Variants in ELAPOR2 observed in about 807,000 individuals in gnomAD.
The protein encoded by ELAPOR2 is endosome/lysosome-associated apoptosis and autophagy regulator family member 2.
ELAPOR2 carries 89 observed loss-of-function variants against 120.7 expected under a neutral mutation model. The ratio of observed to expected loss-of-function variants is 0.74; its 90% CI spans 0.62 to 0.88. ELAPOR2 has a LOEUF of 0.88. Among genes scored for constraint, ELAPOR2 ranks in the 40% least tolerant of loss-of-function variants. ELAPOR2 has a pLI of 0.00. For missense variants in ELAPOR2, 1,134 were observed against 1,251.6 expected (o/e 0.91, Z 1.42); for synonymous variants, 444 against 444.9 (o/e 1.00, Z 0.03).
At chr7:86,905,300 A>G (rs1370950789) in intron 18 of ELAPOR2, among the ~76,000 whole-genome samples, 3 of 150,956 alleles carry the variant, frequency 2.0e-5, no homozygotes, top group African/African-American at 7.3e-5. Flanking sequence ...TCAGTAGGAA[A>G]TATTTATTCA....
chr7:86,903,868 C>G (rs527648074), intron 18 of ELAPOR2, among the ~76,000 whole-genome samples: 35 of 152,120 alleles, frequency 2.3e-4, no homozygotes, highest in Non-Finnish European at 3.5e-4. Flanking sequence ...CAATAAAGAC[C>G]CTGTTTGAGG....
chr7:86,980,176 G>T (rs114939556), intron 1 of ELAPOR2, among the ~76,000 whole-genome samples: 263 of 152,242 alleles, frequency 1.7e-3, no homozygotes, highest in African/African-American at 5.9e-3. Context: ...TACCAAAAAA[G>T]GTAATAAAAC....
At chr7:86,932,397 C>T (rs897659786) in intron 8 of ELAPOR2, among the ~76,000 whole-genome samples, 3 of 151,808 alleles carry the variant, frequency 2.0e-5, no homozygotes, top group African/African-American at 7.3e-5. Context: ...ATTTCTGAAA[C>T]ATATTTTTAA....
chr7:86,985,372 T>G (rs1792686792), intron 1 of ELAPOR2, among the ~76,000 whole-genome samples: 1 of 152,214 alleles, frequency 6.6e-6, no homozygotes, highest in South Asian at 2.1e-4. Context: ...TACCAAAGCC[T>G]GGCAGAGACA....
intron 1 of ELAPOR2, among the ~76,000 whole-genome samples, chr7:87,006,528 AAAAG>A (rs771741293): frequency 9.2e-5 from 14 of 152,252 alleles, no homozygotes; most frequent in Non-Finnish European, 1.6e-4. Flanking sequence ...TATAATTTAA[AAAAG>A]AAAGAAAGAA....
At position 86,879,880 on chromosome 7, in the gene ELAPOR2, A is replaced by G. The variant is rs1052202090; in HGVS notation, c.*591T>C. 2.0e-5 allele frequency: 3 copies of G among 152,248 alleles called. No individual in the cohort carries two copies. The highest frequency in any genetic ancestry group is 7.2e-5 in the African/African-American group (3 of 41,452). The allele number at this position is 152,248 out of a possible 1,614,324, so 9.4% of individuals were successfully genotyped here. On this transcript the variant is annotated 3_prime_UTR_variant, in exon 22 of 22. Coordinates refer to ENST00000450689, the MANE Select transcript of ELAPOR2 (RefSeq NM_001142749.3). ...TTATAAATCTAGATAACCCAAGCAC[A>G]TGCTAACTCTTCCTGAAATTTAAAT...
At chr7:86,953,097 A>G (rs1012241462) in intron 2 of ELAPOR2, among the ~76,000 whole-genome samples, 2 of 151,482 alleles carry the variant, frequency 1.3e-5, no homozygotes, top group African/African-American at 4.8e-5. Context: ...CTCTGTCAAA[A>G]AAAAAAAAAA....
chr7:86,994,356 A>G (rs1446957544), intron 1 of ELAPOR2, among the ~76,000 whole-genome samples: 4 of 152,240 alleles, frequency 2.6e-5, no homozygotes, highest in Admixed American at 6.5e-5. Context: ...AAAGTCATTT[A>G]TCAAGTGCTT....
intron 12 of ELAPOR2, among the ~76,000 whole-genome samples, chr7:86,915,375 C>A (rs533534608): frequency 2.6e-5 from 4 of 151,872 alleles, no homozygotes; most frequent in Non-Finnish European, 4.4e-5. Flanking sequence ...GCATGTTAAG[C>A]AGAATGTTAT....
chr7:86,967,632 A>C (rs1486732633), intron 1 of ELAPOR2, among the ~76,000 whole-genome samples: 2 of 152,154 alleles, frequency 1.3e-5, no homozygotes, highest in Non-Finnish European at 2.9e-5. Flanking sequence ...AGCTCCAAAA[A>C]ACTTTCCTCC....
At chr7:87,008,728 G>C (rs1793562173) in intron 1 of ELAPOR2, among the ~76,000 whole-genome samples, 1 of 152,128 alleles carries the variant, frequency 6.6e-6, no homozygotes, top group Admixed American at 6.6e-5. Flanking sequence ...TAGTGATGAA[G>C]GGCCATAATG....
chr7:87,050,980 CAGG>C (rs927848233), intron 1 of ELAPOR2, among the ~76,000 whole-genome samples: 2 of 152,152 alleles, frequency 1.3e-5, no homozygotes, highest in Admixed American at 6.6e-5. Flanking sequence ...GGGAAAATGT[CAGG>C]AGTTCAGTTT....
At chr7:86,937,178 T>C (rs1790595078) in intron 8 of ELAPOR2, among the ~76,000 whole-genome samples, 1 of 152,120 alleles carries the variant, frequency 6.6e-6, no homozygotes, top group East Asian at 1.9e-4. Context: ...GTAATAGTTG[T>C]ACTTCTTATC....
At position 86,912,259 on chromosome 7, in the gene ELAPOR2, TAAAG is replaced by T. The variant is rs1562916507; in HGVS notation, c.1996-18_1996-15del. 2.6e-6 allele frequency: 4 copies of T among 1,556,904 alleles called. No individual in the cohort carries two copies. The South Asian group carries it at 3.5e-5, about 14-fold the overall frequency. On this transcript the variant is annotated splice_polypyrimidine_tract_variant and intron_variant, in intron 14 of 21. Transcript: ENST00000450689. ...AACCGAATGGTCCTTTGATTAAAGA[TAAAG>T]AAACAATATAGCAGGAAAGAAAATA...
chr7:86,882,878 T>C (rs1443693393), intron 21 of ELAPOR2, among the ~76,000 whole-genome samples: 1 of 152,156 alleles, frequency 6.6e-6, no homozygotes, highest in Admixed American at 6.5e-5. Flanking sequence ...TTTTCAGCTC[T>C]AAACCCAAGA....
chr7:86,906,624 T>A (rs1789031758), intron 18 of ELAPOR2, among the ~76,000 whole-genome samples: 1 of 152,030 alleles, frequency 6.6e-6, no homozygotes, highest in African/African-American at 2.4e-5. Flanking sequence ...AAAACAAAAT[T>A]AATATAATCA....
At chr7:87,028,901 C>A (rs2116725782) in intron 1 of ELAPOR2, among the ~76,000 whole-genome samples, 1 of 152,308 alleles carries the variant, frequency 6.6e-6, no homozygotes, top group East Asian at 1.9e-4. Context: ...GGGGGTCACT[C>A]TCCTCTGAAC....
intron 1 of ELAPOR2, among the ~76,000 whole-genome samples, chr7:87,042,442 T>C (rs1794816370): frequency 6.6e-6 from 1 of 150,980 alleles, no homozygotes; most frequent in Non-Finnish European, 1.5e-5. Flanking sequence ...AAACTAGAAC[T>C]CAGGATGAGA....
intron 2 of ELAPOR2, among the ~76,000 whole-genome samples, chr7:86,952,307 G>C (rs1457365062): frequency 6.6e-6 from 1 of 152,176 alleles, no homozygotes; most frequent in Non-Finnish European, 1.5e-5. Flanking sequence ...TATACCAGAT[G>C]AGGAAACTGA....
Sources: gnomAD v4.1 joint callset for allele counts (sites outside exome capture counted in the v4.1 genomes callset) on GRCh38, gnomAD v4.1.1 for gene constraint, MANE v1.5 for transcripts, NCBI Gene and HGNC (gene_info 2026-07-23, HGNC 2026-07-21) for gene names.